Variants in RBM6 observed in about 807,000 individuals in gnomAD.
RBM6 encodes RNA binding motif protein 6, also known as RNA-binding protein 6.
A neutral mutation model predicts 140.4 loss-of-function variants in RBM6; 23 were observed. The ratio of observed to expected loss-of-function variants is 0.16; its 90% CI spans 0.12 to 0.23. The LOEUF (loss-of-function observed/expected upper bound fraction) is 0.23. Among genes scored for constraint, RBM6 ranks in the 10% least tolerant of loss-of-function variants. The pLI is 1.00. For synonymous variants in RBM6, 439 were observed against 475.6 expected (o/e 0.92, Z 1.00); for missense variants, 1,139 against 1,386.7 (o/e 0.82, Z 2.84).
chr3:50,044,017 A>C (rs1008659107), intron 6 of RBM6, among the ~76,000 whole-genome samples: 1 of 151,640 alleles, frequency 6.6e-6, no homozygotes, highest in African/African-American at 2.4e-5. Flanking sequence ...ACTGGCTGGG[A>C]CTGCAGGTGT....
At chr3:49,978,816 G>A (rs1001481874) in intron 5 of RBM6, among the ~76,000 whole-genome samples, 3 of 152,036 alleles carry the variant, frequency 2.0e-5, no homozygotes, top group Non-Finnish European at 2.9e-5. Context: ...AAGAGATTTT[G>A]GACCTATATA....
At chr3:50,073,654 C>T (rs2090372234) in intron 19 of RBM6, among the ~76,000 whole-genome samples, 1 of 152,198 alleles carries the variant, frequency 6.6e-6, no homozygotes, top group Admixed American at 6.5e-5. Context: ...CACTGTTCTT[C>T]AGTCCATTCT....
At position 50,039,930 on chromosome 3, in the gene RBM6, G is replaced by C. The variant is rs191731590; in HGVS notation, c.1558-8315G>C. Among the ~76,000 whole-genome samples, 4 of 152,216 alleles carry C rather than the reference G, an allele frequency of 2.6e-5. No individual in the cohort carries two copies. In the East Asian group the frequency reaches 7.7e-4, roughly 29 times the overall value. The stretch of plus-strand genomic sequence containing the variant: ...CAAATACAAATGTAATGGAACCTTA[G>C]AATAGGAGAGACGTGTGGATCCCCT... On this transcript the variant is annotated intron_variant, in intron 6 of 20. Coordinates refer to ENST00000266022, the MANE Select transcript of RBM6 (RefSeq NM_005777.3).
chr3:50,062,895 T>A (rs1363081344), intron 15 of RBM6, among the ~76,000 whole-genome samples: 1 of 148,376 alleles, frequency 6.7e-6, no homozygotes, highest in Non-Finnish European at 1.5e-5. Flanking sequence ...CTTTTTCCTT[T>A]TTTTTTTTTT....
chr3:50,064,933 G>A (rs1247750945), intron 15 of RBM6, 98 bp from the exon 16 acceptor site: 1 of 937,484 alleles, frequency 1.1e-6, no homozygotes, highest in Non-Finnish European at 1.6e-6. Flanking sequence ...TGACCTCCCA[G>A]AGTGCTGGGA....
At chr3:49,978,940 T>G (rs1257267084) in intron 5 of RBM6, among the ~76,000 whole-genome samples, 1 of 152,172 alleles carries the variant, frequency 6.6e-6, no homozygotes, top group Non-Finnish European at 1.5e-5. Context: ...AGGAGTAAAA[T>G]GTCTTTTGGT....
At chr3:50,065,179 G>A (rs1007975526) in intron 16 of RBM6, 53 bp downstream of exon 16, 7 of 1,412,646 alleles carry the variant, frequency 5.0e-6, no homozygotes, top group Admixed American at 2.1e-5. Flanking sequence ...GGATGGTTCC[G>A]AGTAGAAGAG....
chr3:50,052,317 G>T (rs1219936512), intron 7 of RBM6, among the ~76,000 whole-genome samples: 3 of 152,128 alleles, frequency 2.0e-5, no homozygotes, highest in Non-Finnish European at 2.9e-5. Context: ...CAACTTCCTC[G>T]GCCTCCCAAA....
In RBM6 at chr3:49,968,639, A is replaced by C. The variant is rs150438582; in HGVS notation, c.1214A>C (p.Glu405Ala). The C allele has an allele frequency of 2.1e-3, 3,466 of 1,614,030 alleles. 7 individuals are homozygous for C. Among genetic ancestry groups the C allele is most frequent in the Non-Finnish European group, 2.6e-3 (3,111 of 1,180,046 alleles). Residue 405 changes from glutamate to alanine, a missense_variant, in exon 3 of 21, where the codon GAG (glutamate) becomes GCG (alanine). Physicochemically the swap from Glu to Ala is moderately radical, Grantham distance 107 (BLOSUM62 -1). Around this residue, in one of 9 missense-constraint regions of RBM6, gnomAD observed 566 missense variants for 612.7 expected, o/e 0.92. Coordinates refer to ENST00000266022, the MANE Select transcript of RBM6 (RefSeq NM_005777.3). ...GRQDTDYRSMEYRDVDHRLPG... is the reference protein window; with the variant it reads ...GRQDTDYRSMAYRDVDHRLPG... Reference sequence around the variant, plus strand: ...CAAGACACCGATTACAGAAGCATGGAGTACCGTGATGTGGATCATAGGCTG... The same window carrying C: ...CAAGACACCGATTACAGAAGCATGGCGTACCGTGATGTGGATCATAGGCTG...
intron 3 of RBM6, among the ~76,000 whole-genome samples, chr3:49,970,300 A>G (rs2084730620): frequency 6.6e-6 from 1 of 151,892 alleles, no homozygotes; most frequent in Admixed American, 6.6e-5. Context: ...GGCTGGTTTC[A>G]AATTCCTGGG....
intron 7 of RBM6, among the ~76,000 whole-genome samples, chr3:50,050,070 T>G (rs917454198): frequency 6.6e-6 from 1 of 152,074 alleles, no homozygotes; most frequent in Non-Finnish European, 1.5e-5. Context: ...GATGTGATCA[T>G]GGCTCACTGT....
chr3:49,988,628 G>A (rs1454899266), intron 5 of RBM6, among the ~76,000 whole-genome samples: 1 of 152,138 alleles, frequency 6.6e-6, no homozygotes, highest in African/African-American at 2.4e-5. Context: ...GCCCACAGAT[G>A]CTTTTGCATT....
chr3:50,034,716 A>G (rs2088407283), intron 6 of RBM6, among the ~76,000 whole-genome samples: 1 of 152,196 alleles, frequency 6.6e-6, no homozygotes, highest in African/African-American at 2.4e-5. Flanking sequence ...AGCCGAGATC[A>G]CAACACTGCA....
intron 16 of RBM6, 82 bp from the exon 17 acceptor site, chr3:50,066,160 A>T: frequency 7.1e-7 from 1 of 1,398,848 alleles, no homozygotes; most frequent in African/African-American, 1.4e-5. Flanking sequence ...ATGAAATGAG[A>T]TGCCCATATC....
At chr3:50,043,943 G>T (rs1326339103) in intron 6 of RBM6, among the ~76,000 whole-genome samples, 1 of 149,518 alleles carries the variant, frequency 6.7e-6, no homozygotes, top group Non-Finnish European at 1.5e-5. Context: ...GAGTGCAGTG[G>T]CGTGATCTTG....
chr3:50,006,616 T>C (rs1262125664), intron 6 of RBM6, among the ~76,000 whole-genome samples: 2 of 152,094 alleles, frequency 1.3e-5, no homozygotes, highest in East Asian at 1.9e-4. Flanking sequence ...ATTAAATAAG[T>C]TAATGCATGT....
chr3:49,986,794 C>T (rs1413270265), intron 5 of RBM6, among the ~76,000 whole-genome samples: 4 of 137,196 alleles, frequency 2.9e-5, no homozygotes, highest in African/African-American at 1.1e-4. Context: ...CTTCTCTTCT[C>T]TTTTCTTTTC....
At chr3:50,043,897 TTA>T (rs2089073516) in intron 6 of RBM6, among the ~76,000 whole-genome samples, 1 of 150,178 alleles carries the variant, frequency 6.7e-6, no homozygotes, top group Non-Finnish European at 1.5e-5. Context: ...TTTTTTTTTT[TTA>T]AAGAGACGGA....
At chr3:49,955,499 G>A (rs1054932312) in intron 1 of RBM6, among the ~76,000 whole-genome samples, 7 of 151,968 alleles carry the variant, frequency 4.6e-5, no homozygotes, top group Non-Finnish European at 8.8e-5. Context: ...CCAGGTTCAA[G>A]TGATTCTCCT....
Sources: allele counts gnomAD v4.1 joint callset (sites outside exome capture counted in the v4.1 genomes callset), GRCh38; gene constraint gnomAD v4.1.1; regional missense constraint gnomAD v4.1.1; transcripts MANE v1.5; gene names NCBI Gene and HGNC (gene_info 2026-07-23, HGNC 2026-07-21).